OMA1: variants seen among roughly 807,000 people sequenced by gnomAD.
OMA1 encodes OMA1 zinc metallopeptidase.
A neutral mutation model predicts 30.9 loss-of-function variants in OMA1; 38 were observed. That is an observed-to-expected ratio of 1.23 (90% CI 0.95 to 1.61). OMA1 has a LOEUF of 1.61. Among genes scored for constraint, OMA1 ranks in the 40% most tolerant of loss-of-function variants. The probability of loss-of-function intolerance (pLI) is 0.00; values close to 1 mark genes in which losing one functional copy is unlikely to be tolerated. For missense variants in OMA1, 461 were observed against 349.2 expected, an observed-to-expected ratio of 1.32 and a Z score of -2.55; for synonymous variants, 173 against 121.9, an observed-to-expected ratio of 1.42 and a Z score of -2.76.
intron 7 of OMA1, among the ~76,000 whole-genome samples, chr1:58,522,554 T>C (rs1053318944): frequency 6.6e-6 from 1 of 152,112 alleles, no homozygotes. Context: ...TTTTTGGCTA[T>C]TGCAATAAAG....
At chr1:58,527,507 T>G (rs1030463463) in intron 6 of OMA1, among the ~76,000 whole-genome samples, 172 bp from the exon 7 acceptor site, 2 of 152,174 alleles carry the variant, frequency 1.3e-5, no homozygotes, top group Non-Finnish European at 2.9e-5. Flanking sequence ...CAGCCTTTAT[T>G]TCCCTGATTA....
At chr1:58,502,329 C>T (rs1261395907) in intron 8 of OMA1, among the ~76,000 whole-genome samples, 3 of 152,186 alleles carry the variant, frequency 2.0e-5, no homozygotes, top group Admixed American at 2.0e-4. Flanking sequence ...TTCCTCCCAC[C>T]CATTAAATGT....
Position 58,539,135 on chromosome 1 carries a change from C to T in OMA1, c.160G>A (p.Gly54Arg), listed in dbSNP as rs750974276. ...NHIVNKYQGL[G>R]VNQCDRWSFL... ...CTCCACCTGTCACACTGATTTACTCCCAGTCCCTGATACTTATTTACTATA... is the reference window on the plus strand; with the variant it reads ...CTCCACCTGTCACACTGATTTACTCTCAGTCCCTGATACTTATTTACTATA... Residue 54 changes from glycine (G) to arginine (R), a missense_variant, in exon 2 of 9, where the codon GGA becomes AGA. Gly to Arg is a moderately radical substitution (Grantham distance 125). Transcript: ENST00000371226. 1.1e-6 allele frequency: 1 copy of T among 872,918 alleles called. No homozygotes were observed. The highest frequency in any genetic ancestry group is 1.6e-5 in the African/African-American group (1 of 61,442). 54.1% of individuals were successfully genotyped at this position (872,918 alleles called of 1,614,324 possible). A position where few individuals can be genotyped will look rare whatever the true frequency, so the allele number is the denominator to read the frequency against.
rs748081269 is a variant in OMA1 at position 58,534,296 on chromosome 1, C to T, written c.765G>A (p.Glu255=). The change falls in exon 4 of 9, where the codon GAG becomes GAA. Residue 255 remains glutamate (E), a synonymous_variant. Transcript: ENST00000371226. ...TAACAGCCAGGTATCGGGCATCTTT[C>T]TCAGTTAGCATATCATTTTTAAATT... ...MEEFKNDMLT[E]KDARYLAVKE... 1.5e-5 allele frequency: 13 copies of T among 864,960 alleles called. No homozygotes were observed. The African/African-American group carries it at 2.0e-4, about 13-fold the overall frequency. 53.6% of individuals were successfully genotyped at this position (864,960 alleles called of 1,614,324 possible). A position where few individuals can be genotyped will look rare whatever the true frequency, so the allele number is the denominator to read the frequency against.
At chr1:58,529,743 A>T (rs1352751433) in intron 6 of OMA1, among the ~76,000 whole-genome samples, 1 of 152,240 alleles carries the variant, frequency 6.6e-6, no homozygotes, top group Non-Finnish European at 1.5e-5. Flanking sequence ...AAAACAATTT[A>T]AAAAACTACA....
intron 8 of OMA1, among the ~76,000 whole-genome samples, chr1:58,488,754 T>A (rs561747030): frequency 6.6e-6 from 1 of 152,312 alleles, no homozygotes; most frequent in Admixed American, 6.5e-5. Context: ...CCAGCCCCAG[T>A]GTGTAGTCTT....
At chr1:58,527,437 G>A (rs997738500) in intron 6 of OMA1, 102 bp from the exon 7 acceptor site, 13 of 680,668 alleles carry the variant, frequency 1.9e-5, no homozygotes, top group Non-Finnish European at 5.3e-6. Flanking sequence ...GAGTATCTAG[G>A]ATAAAATTCC....
chr1:58,504,322 A>G (rs974666909), intron 8 of OMA1, among the ~76,000 whole-genome samples: 3 of 152,138 alleles, frequency 2.0e-5, no homozygotes, highest in African/African-American at 7.2e-5. Context: ...CACATCAAAC[A>G]TACGCTGACT....
At chr1:58,497,954 C>A (rs1645832541) in intron 8 of OMA1, among the ~76,000 whole-genome samples, 1 of 152,136 alleles carries the variant, frequency 6.6e-6, no homozygotes, top group African/African-American at 2.4e-5. Flanking sequence ...AAAAAGCTTC[C>A]ATTTCCCTCT....
chr1:58,488,110 T>C (rs147424769), intron 8 of OMA1, among the ~76,000 whole-genome samples: 19 of 152,304 alleles, frequency 1.2e-4, no homozygotes, highest in African/African-American at 4.6e-4. Context: ...GATAAAGTTT[T>C]CTTTAAATAC....
At chr1:58,519,941 G>T in intron 7 of OMA1, among the ~76,000 whole-genome samples, 1 of 151,372 alleles carries the variant, frequency 6.6e-6, no homozygotes, top group East Asian at 1.9e-4. Flanking sequence ...TAAGATTAAT[G>T]AACTTCAAGA....
intron 7 of OMA1, among the ~76,000 whole-genome samples, chr1:58,523,154 CCT>C (rs1646293730): frequency 6.6e-6 from 1 of 152,186 alleles, no homozygotes; most frequent in African/African-American, 2.4e-5. Context: ...GGTTAATTCC[CCT>C]GATAAGGTGT....
At chr1:58,491,959 T>C (rs1645701704) in intron 8 of OMA1, among the ~76,000 whole-genome samples, 1 of 152,174 alleles carries the variant, frequency 6.6e-6, no homozygotes, top group South Asian at 2.1e-4. Context: ...CAACAGAATA[T>C]ACATTCTTTT....
intron 7 of OMA1, among the ~76,000 whole-genome samples, chr1:58,526,958 C>T (rs908886236): frequency 2.3e-4 from 35 of 151,998 alleles, no homozygotes; most frequent in African/African-American, 7.7e-4. Context: ...AATTTATACA[C>T]GCAAAAAATT....
At chr1:58,508,564 C>G (rs983935838) in intron 7 of OMA1, among the ~76,000 whole-genome samples, 1 of 152,104 alleles carries the variant, frequency 6.6e-6, no homozygotes, top group African/African-American at 2.4e-5. Flanking sequence ...ACCATATGAT[C>G]ATAAGAACAC....
Position 58,498,448 on chromosome 1 carries a change from G to A in OMA1, c.1365+7612C>T, listed in dbSNP as rs531595539. On this transcript the variant is annotated intron_variant, in intron 8 of 8. Transcript: ENST00000371226. Reference sequence around the variant, plus strand: ...TCTCTCCCTTAATTTCTAAAAGCAAGCATATACTTTTAAGAAGGCCTAAGG... The same window carrying A: ...TCTCTCCCTTAATTTCTAAAAGCAAACATATACTTTTAAGAAGGCCTAAGG... Among the ~76,000 whole-genome samples the A allele has an allele frequency of 4.6e-5, 7 of 152,166 alleles. 1 individual carries two copies. The South Asian group carries it at 1.0e-3, about 23-fold the overall frequency.
intron 7 of OMA1, among the ~76,000 whole-genome samples, chr1:58,516,716 T>C (rs141918785): frequency 1.4e-3 from 208 of 152,278 alleles, no homozygotes; most frequent in African/African-American, 4.5e-3. Context: ...TGAAACCTCA[T>C]AAATCCAATG....
At chr1:58,521,126 C>T (rs1342624841) in intron 7 of OMA1, among the ~76,000 whole-genome samples, 1 of 152,058 alleles carries the variant, frequency 6.6e-6, no homozygotes, top group Non-Finnish European at 1.5e-5. Context: ...AGCTAGAAAT[C>T]GAAAACAAAA....
intron 7 of OMA1, among the ~76,000 whole-genome samples, chr1:58,518,802 G>T (rs187774871): frequency 1.3e-5 from 2 of 152,048 alleles, no homozygotes; most frequent in African/African-American, 4.8e-5. Flanking sequence ...TAAAGAAGAG[G>T]AGATAGCAGA....
Sources: gnomAD v4.1 joint callset for allele counts (sites outside exome capture counted in the v4.1 genomes callset) on GRCh38, gnomAD v4.1.1 for gene constraint, MANE v1.5 for transcripts, NCBI Gene and HGNC (gene_info 2026-07-23, HGNC 2026-07-21) for gene names.